Variants in CIT observed in about 807,000 individuals in gnomAD.
The protein encoded by CIT is citron Rho-interacting kinase.
In CIT, 79 loss-of-function variants were observed where a neutral mutation model predicts 272.7. The ratio of observed to expected loss-of-function variants is 0.29; its 90% CI spans 0.24 to 0.35. CIT has a LOEUF of 0.35. Ranked by LOEUF, CIT falls within the 10% of genes least tolerant of loss-of-function variation. The pLI is 1.00. For missense variants in CIT, 1,909 were observed against 2,618.3 expected (o/e 0.73, Z 5.91); for synonymous variants, 948 against 995.6 (o/e 0.95, Z 0.90).
intron 5 of CIT, 121 bp downstream of exon 5, chr12:119,850,053 A>T: frequency 1.3e-6 from 1 of 751,340 alleles, no homozygotes; most frequent in Non-Finnish European, 2.4e-6. Context: ...AGACACCTGT[A>T]AGGTAAGAAA....
chr12:119,862,832 A>AAAAAAAAAAAAAGAAAAAAAAG (rs1950390006), intron 3 of CIT, among the ~76,000 whole-genome samples: 6 of 135,632 alleles, frequency 4.4e-5, no homozygotes, highest in African/African-American at 1.9e-4. Context: ...AAAAAAAAAA[A>AAAAAAAAAAAAAGAAAAAAAAG]AAAAAAAAGA....
At chr12:119,874,100 A>G (rs1950766600) in intron 2 of CIT, among the ~76,000 whole-genome samples, 1 of 151,580 alleles carries the variant, frequency 6.6e-6, no homozygotes, top group Non-Finnish European at 1.5e-5. Flanking sequence ...AGTCTTACCC[A>G]CTCTGTCGCC....
intron 13 of CIT, 114 bp from the exon 14 acceptor site, chr12:119,776,956 T>G (rs1007581505): frequency 8.3e-7 from 1 of 1,208,002 alleles, no homozygotes; most frequent in Non-Finnish European, 1.2e-6. Flanking sequence ...GAAGAGAGAC[T>G]GGCAAAGAAA....
chr12:119,809,909 C>T (rs1029818402), intron 9 of CIT, among the ~76,000 whole-genome samples: 4 of 152,196 alleles, frequency 2.6e-5, no homozygotes, highest in Admixed American at 6.5e-5. Flanking sequence ...GGAGAGCTTC[C>T]GGATAGCTGA....
At chr12:119,803,123 T>TGG in intron 10 of CIT, 83 bp downstream of exon 10, 1 of 234,546 alleles carries the variant, frequency 4.3e-6, no homozygotes. Flanking sequence ...CCCCACCTAT[T>TGG]CCCCCACCCC....
At chr12:119,867,878 G>A (rs1175856651) in intron 3 of CIT, among the ~76,000 whole-genome samples, 1 of 152,096 alleles carries the variant, frequency 6.6e-6, no homozygotes, top group East Asian at 1.9e-4. Flanking sequence ...TAGGCCCTAG[G>A]TACTTTTGCC....
rs1476762589 is a variant in CIT at position 119,776,931 on chromosome 12, G to C, written c.1666-89C>G. ...AGGATGGAAGAGTATTAACCACACA[G>C]GGAAGATGCACAGTGAAGAGAGACT... On this transcript the variant is annotated intron_variant, in intron 13 of 47. Coordinates refer to ENST00000392521, the MANE Select transcript of CIT (RefSeq NM_001206999.2). 2.9e-6 allele frequency: 4 copies of C among 1,361,314 alleles called. No homozygotes were observed. The African/African-American group carries it at 5.8e-5, about 20-fold the overall frequency. 84.3% of individuals were successfully genotyped at this position (1,361,314 alleles called of 1,614,324 possible). A position where few individuals can be genotyped will look rare whatever the true frequency, so the allele number is the denominator to read the frequency against.
intron 40 of CIT, among the ~76,000 whole-genome samples, chr12:119,707,436 C>A (rs1202597244): frequency 6.6e-6 from 1 of 152,062 alleles, no homozygotes; most frequent in African/African-American, 2.4e-5. Context: ...GACATTAGAG[C>A]AGGAGGAGGC....
At chr12:119,855,725 G>A (rs1045692122) in intron 4 of CIT, among the ~76,000 whole-genome samples, 3 of 152,170 alleles carry the variant, frequency 2.0e-5, no homozygotes, top group Non-Finnish European at 2.9e-5. Context: ...TAAGCCCCCA[G>A]CCCACACTTC....
rs762518727 is a variant in CIT, at chr12:119,713,614, C to T, written c.4341G>A (p.Thr1447=). ...GCAAGCCGCAGGTGGCTGGCAAGCACGTGGAGCACTTGGGGTGACACATCA... is the reference window on the plus strand; with the variant it reads ...GCAAGCCGCAGGTGGCTGGCAAGCATGTGGAGCACTTGGGGTGACACATCA... ...CQVMCHPKCS[T]CLPATCGLPA... Residue 1447 remains threonine (T), a synonymous_variant, in exon 34 of 48, where the codon ACG becomes ACA. Transcript: ENST00000392521. This position sits in a 1 kb window ranked among gnomAD's most constrained non-coding sequence, Gnocchi z 5.2. The T allele has an allele frequency of 1.4e-5, 23 of 1,614,118 alleles. No homozygotes were observed. The highest frequency in any genetic ancestry group is 1.3e-5 in the African/African-American group (1 of 74,946).
At position 119,834,234 on chromosome 12, in the gene CIT, T is replaced by C; in HGVS notation, c.517-6A>G. ...CCAGGCTGATATTCCATGACCTGTA[T>C]AGAATGCCAAAGTTATTAATTCTTC... On this transcript the variant is annotated splice_region_variant and splice_polypyrimidine_tract_variant and intron_variant, in intron 5 of 47. Coordinates refer to ENST00000392521, the MANE Select transcript of CIT (RefSeq NM_001206999.2). 1 of 1,584,548 alleles carries C rather than the reference T, an allele frequency of 6.3e-7. No homozygotes were observed. The highest frequency in any genetic ancestry group is 1.2e-5 in the South Asian group (1 of 85,920).
Position 119,686,399 on chromosome 12 carries a change from G to C in CIT, c.*1833C>G, listed in dbSNP as rs1397771527. ...CTGGGGACGGGAGGGGAGGGAGTAC[G>C]ACCCCACAGACTCCAAGCAACACAT... is the stretch of plus-strand genomic sequence containing the variant. On this transcript the variant is annotated 3_prime_UTR_variant, in exon 48 of 48. Coordinates refer to ENST00000392521, the MANE Select transcript of CIT (RefSeq NM_001206999.2). The C allele has an allele frequency of 1.3e-5, 2 of 152,126 alleles. No individual in the cohort carries two copies. The highest frequency in any genetic ancestry group is 4.8e-5 in the African/African-American group (2 of 41,390). 9.4% of individuals were successfully genotyped at this position (152,126 alleles called of 1,614,324 possible).
At chr12:119,753,428 G>A (rs1960510971) in intron 22 of CIT, among the ~76,000 whole-genome samples, 1 of 152,094 alleles carries the variant, frequency 6.6e-6, no homozygotes, top group South Asian at 2.1e-4. Flanking sequence ...GAGAACAAAG[G>A]ACATAAGGGA....
In CIT at chr12:119,718,684, A is replaced by G. The variant is rs542902204; in HGVS notation, c.4003+15T>C. ...TTCCACATCCTTGAGCATTTTGGAGAGAGTGAGCCCCTACCTTCCTCCCGG... is the reference window on the plus strand; with the variant it reads ...TTCCACATCCTTGAGCATTTTGGAGGGAGTGAGCCCCTACCTTCCTCCCGG... On this transcript the variant is annotated intron_variant, in intron 31 of 47. Coordinates refer to ENST00000392521, the MANE Select transcript of CIT (RefSeq NM_001206999.2). The surrounding 1 kb of genome is among the most constrained non-coding windows in gnomAD (Gnocchi z 4.8). The G allele has an allele frequency of 6.8e-5, 110 of 1,612,316 alleles. 2 individuals carry two copies. The South Asian group carries it at 1.1e-3, about 17-fold the overall frequency.
chr12:119,774,709 A>G (rs944896522), intron 16 of CIT, among the ~76,000 whole-genome samples: 1 of 152,278 alleles, frequency 6.6e-6, no homozygotes, highest in Non-Finnish European at 1.5e-5. Flanking sequence ...ACAGTGGCTC[A>G]TGCCTGTAAT....
chr12:119,870,989 C>T (rs1042267554), intron 2 of CIT, among the ~76,000 whole-genome samples: 1 of 151,798 alleles, frequency 6.6e-6, no homozygotes, highest in Admixed American at 6.6e-5. Flanking sequence ...CGTGGAGGCA[C>T]GTGCCTGTAA....
intron 10 of CIT, among the ~76,000 whole-genome samples, chr12:119,790,598 G>GGA (rs1566049215): frequency 6.6e-6 from 1 of 151,924 alleles, no homozygotes; most frequent in Non-Finnish European, 1.5e-5. Context: ...ACCCAGAGAG[G>GGA]GAGAGAGAGA....
intron 37 of CIT, among the ~76,000 whole-genome samples, chr12:119,711,485 C>T (rs923421113): frequency 6.6e-6 from 1 of 152,182 alleles, no homozygotes; most frequent in Non-Finnish European, 1.5e-5. Flanking sequence ...TGCCGGCAGC[C>T]TATTGTGCTG....
At chr12:119,744,383 G>A (rs1959177970) in intron 23 of CIT, among the ~76,000 whole-genome samples, 1 of 151,086 alleles carries the variant, frequency 6.6e-6, no homozygotes, top group Non-Finnish European at 1.5e-5. Flanking sequence ...AGATGTAAGA[G>A]TGATCCTTCT....
Sources: gnomAD v4.1 joint callset for allele counts (sites outside exome capture counted in the v4.1 genomes callset) on GRCh38, gnomAD v4.1.1 for gene constraint, Gnocchi (gnomAD v3.1) non-coding constraint, MANE v1.5 for transcripts, NCBI Gene and HGNC (gene_info 2026-07-23, HGNC 2026-07-21) for gene names.